SRSF11: variants seen among roughly 807,000 people sequenced by gnomAD.
SRSF11 encodes the protein serine/arginine-rich splicing factor 11.
SRSF11 carries 9 observed loss-of-function variants against 56.0 expected under a neutral mutation model. The ratio of observed to expected loss-of-function variants is 0.16; its 90% confidence interval spans 0.10 to 0.28. The LOEUF is 0.28. Ranked by LOEUF, SRSF11 falls within the 10% of genes least tolerant of loss-of-function variation. The pLI is 1.00. For synonymous variants in SRSF11, 222 were observed against 215.3 expected (o/e 1.03, Z -0.27); for missense variants, 421 against 600.7 (o/e 0.70, Z 3.13).
chr1:70,229,316 C>T (rs937711789), intron 2 of SRSF11: 2 of 1,278,404 alleles, frequency 1.6e-6, no homozygotes, highest in Non-Finnish European at 2.0e-6. Flanking sequence ...CACTCAAGTG[C>T]CCCAAGTGTT....
intron 7 of SRSF11, among the ~76,000 whole-genome samples, chr1:70,243,363 A>G (rs1292179757): frequency 7.1e-6 from 1 of 141,396 alleles, no homozygotes; most frequent in African/African-American, 2.7e-5. Flanking sequence ...AAAAAAAAAA[A>G]AAAAAAAAAA....
chr1:70,230,038 A>G (rs1672553950), intron 2 of SRSF11: 1 of 985,332 alleles, frequency 1.0e-6, no homozygotes, highest in Admixed American at 6.1e-5. Context: ...TCTTGGAACA[A>G]GGGTCAAATC....
rs1262786893 is a variant in SRSF11 at position 70,251,818 on chromosome 1, T to A, written c.*1013T>A. ...CAATAAATTTGTGTTACTGCAGTAG[T>A]AATCTTATGCACACGGTGATTTCAT... On this transcript the variant is annotated 3_prime_UTR_variant, in exon 12 of 12. Coordinates refer to ENST00000370949, the MANE Select transcript of SRSF11 (RefSeq NM_001350605.2). 2 of 152,576 alleles carry A rather than the reference T, an allele frequency of 1.3e-5. No homozygotes were observed. The highest frequency in any genetic ancestry group is 2.9e-5 in the Non-Finnish European group (2 of 67,992). 9.5% of individuals were successfully genotyped at this position (152,576 alleles called of 1,614,324 possible).
At chr1:70,243,031 T>G (rs1675846709) in intron 7 of SRSF11, among the ~76,000 whole-genome samples, 1 of 152,108 alleles carries the variant, frequency 6.6e-6, no homozygotes, top group South Asian at 2.1e-4. Flanking sequence ...GAGATTAAAA[T>G]TAAAGTTAAT....
intron 1 of SRSF11, among the ~76,000 whole-genome samples, chr1:70,209,177 T>C (rs1043814992): frequency 2.0e-5 from 3 of 152,226 alleles, no homozygotes; most frequent in African/African-American, 7.2e-5. Flanking sequence ...AAGACTGTTA[T>C]CAAAGTATAG....
intron 7 of SRSF11, among the ~76,000 whole-genome samples, chr1:70,242,332 GT>G (rs1028352060): frequency 4.0e-5 from 6 of 151,650 alleles, no homozygotes; most frequent in Non-Finnish European, 8.8e-5. Flanking sequence ...AATCATTGTT[GT>G]GGGTTGTGGT....
At chr1:70,244,611 T>G in intron 7 of SRSF11, 73 bp from the exon 8 acceptor site, 1 of 1,516,378 alleles carries the variant, frequency 6.6e-7, no homozygotes, top group Non-Finnish European at 9.0e-7. Context: ...GAATCTTTTG[T>G]CTGATACTAA....
chr1:70,230,458 C>T, intron 2 of SRSF11: 1 of 1,203,306 alleles, frequency 8.3e-7, no homozygotes, highest in Non-Finnish European at 1.0e-6. Context: ...TTGGAAGGAA[C>T]TCTTAATAGT....
chr1:70,229,706 C>G, intron 2 of SRSF11: 3 of 984,980 alleles, frequency 3.0e-6, no homozygotes, highest in African/African-American at 3.5e-5. Flanking sequence ...TCTTTGAAAA[C>G]AAATGTGAGC....
intron 7 of SRSF11, among the ~76,000 whole-genome samples, chr1:70,243,492 T>G (rs1433022943): frequency 6.6e-6 from 1 of 152,138 alleles, no homozygotes. Context: ...TTGTCATTAT[T>G]TGGTGATAGA....
chr1:70,223,756 A>C (rs551757548), intron 1 of SRSF11, among the ~76,000 whole-genome samples: 15 of 152,348 alleles, frequency 9.8e-5, no homozygotes, highest in African/African-American at 3.6e-4. Flanking sequence ...TTTTTTAACT[A>C]TAAGTTTCAA....
chr1:70,221,456 C>A lies in SRSF11; in HGVS notation c.-181C>A, dbSNP rs1278665195. ...CGAGCTCGCGCGCTCTCATCCCCTC[C>A]CCCGCGGCGTGCGGCGGGGCGGAGA... On this transcript the variant is annotated 5_prime_UTR_variant, in exon 1 of 12. Transcript: ENST00000370949. 2.2e-6 allele frequency: 2 copies of A among 909,510 alleles called. No homozygotes were observed. The highest frequency in any genetic ancestry group is 3.3e-6 in the Non-Finnish European group (2 of 602,880). The allele number at this position is 909,510 out of a possible 1,614,324, so 56.3% of individuals were successfully genotyped here. A position where few individuals can be genotyped will look rare whatever the true frequency, so the allele number is the denominator to read the frequency against.
intron 1 of SRSF11, among the ~76,000 whole-genome samples, chr1:70,215,521 A>G (rs1043670269): frequency 6.6e-6 from 1 of 152,212 alleles, no homozygotes; most frequent in African/African-American, 2.4e-5. Flanking sequence ...TGATATTGTT[A>G]GGTATCAGAA....
chr1:70,239,605 ATCC>A, intron 7 of SRSF11, 85 bp downstream of exon 7: 1 of 1,029,982 alleles, frequency 9.7e-7, no homozygotes, highest in Non-Finnish European at 1.4e-6. Context: ...TTAATCTGTT[ATCC>A]TCTGGTTAAA....
chr1:70,244,593 A>G (rs1676310884), intron 7 of SRSF11, 91 bp from the exon 8 acceptor site: 7 of 1,384,004 alleles, frequency 5.1e-6, no homozygotes, highest in South Asian at 2.8e-5. Context: ...TGTTTAGTCC[A>G]TATGTCCGAA....
Position 70,221,704 on chromosome 1 carries a change from G to A in SRSF11, c.68G>A (p.Gly23Asp), listed in dbSNP as rs376501274. The change falls in exon 1 of 12, where the codon GGT becomes GAT. Residue 23 changes from glycine (G) to aspartate (D), a missense_variant. Gly to Asp is a moderately conservative substitution (Grantham distance 94). Transcript: ENST00000370949. ...CCCAGCGGCGGGCCCGGTGGCGGAG[G>A]TGGTGGTGGCGGCGGAGGCGGCGGC... ...PGPSGGPGGG[G>D]GGGGGGGGTE... The A allele has an allele frequency of 1.6e-5, 26 of 1,613,486 alleles. No homozygotes were observed. Among genetic ancestry groups the A allele is most frequent in the Non-Finnish European group, 2.1e-5 (25 of 1,179,660 alleles).
At chr1:70,209,739 T>TC (rs1338550516) in intron 1 of SRSF11, among the ~76,000 whole-genome samples, 10 of 134,702 alleles carry the variant, frequency 7.4e-5, no homozygotes, top group African/African-American at 2.8e-4. Flanking sequence ...GCACCTCGCT[T>TC]CTTTTTTTTT....
At chr1:70,240,698 T>A (rs1300036812) in intron 7 of SRSF11, among the ~76,000 whole-genome samples, 2 of 152,076 alleles carry the variant, frequency 1.3e-5, no homozygotes, top group Non-Finnish European at 2.9e-5. Flanking sequence ...CATTCAGAAC[T>A]AGGATATTCC....
rs1677709724 is a variant in SRSF11, at chr1:70,250,308, C to A, written c.1119-57C>A. 4 of 1,589,678 alleles carry A rather than the reference C, an allele frequency of 2.5e-6. No homozygotes were observed. In the African/African-American group the frequency reaches 4.1e-5, roughly 16 times the overall value. On this transcript the variant is annotated intron_variant, in intron 10 of 11. Transcript: ENST00000370949. The stretch of plus-strand genomic sequence containing the variant: ...CTACTTATATCCTGTGAAATTGAGT[C>A]AGGCTCATCATCTAAACAAGTTAAA...
Sources: gnomAD v4.1 joint callset for allele counts (sites outside exome capture counted in the v4.1 genomes callset) on GRCh38, gnomAD v4.1.1 for gene constraint, MANE v1.5 for transcripts, NCBI Gene and HGNC (gene_info 2026-07-23, HGNC 2026-07-21) for gene names.